WDR62: variants seen among roughly 807,000 people sequenced by gnomAD.
The protein encoded by WDR62 is WD repeat-containing protein 62.
A neutral mutation model predicts 160.6 loss-of-function variants in WDR62; 112 were observed. The observed-to-expected ratio is 0.70, with a 90% CI of 0.60 to 0.82. The LOEUF (loss-of-function observed/expected upper bound fraction) is 0.82. WDR62 is among the 40% of genes least tolerant of loss of function. WDR62 has a pLI of 0.00. For synonymous variants in WDR62, 792 were observed against 815.1 expected (o/e 0.97, Z 0.48); for missense variants, 1,819 against 1,983.8 (o/e 0.92, Z 1.58).
intron 11 of WDR62, among the ~76,000 whole-genome samples, chr19:36,084,178 G>A (rs1972067155): frequency 6.6e-6 from 1 of 152,174 alleles, no homozygotes; most frequent in Non-Finnish European, 1.5e-5. Flanking sequence ...CGGGTAGAAT[G>A]AAGAAGCTGG....
chr19:36,079,402 C>G (rs764487587), intron 9 of WDR62, among the ~76,000 whole-genome samples: 2 of 152,192 alleles, frequency 1.3e-5, no homozygotes, highest in Non-Finnish European at 2.9e-5. Flanking sequence ...AGCCTGCTTT[C>G]TGATACTTCC....
intron 16 of WDR62, 46 bp from the exon 17 acceptor site, chr19:36,091,150 TAAGG>T (rs1464417215): frequency 1.3e-6 from 2 of 1,536,130 alleles, no homozygotes; most frequent in East Asian, 4.5e-5. Flanking sequence ...GGCCTCATCA[TAAGG>T]AAGAAGCAGG....
At chr19:36,086,442 C>T (rs1227990724) in intron 12 of WDR62, among the ~76,000 whole-genome samples, 2 of 152,164 alleles carry the variant, frequency 1.3e-5, no homozygotes, top group African/African-American at 2.4e-5. Flanking sequence ...AGCGTCCATG[C>T]GCCCATCGAG....
chr19:36,056,535 G>T (rs142830248), intron 1 of WDR62, among the ~76,000 whole-genome samples: 1 of 152,110 alleles, frequency 6.6e-6, no homozygotes, highest in Non-Finnish European at 1.5e-5. Flanking sequence ...CCTGAATGTC[G>T]CTATCTTGAA....
chr19:36,065,390 C>T (rs1236626298), intron 3 of WDR62, among the ~76,000 whole-genome samples: 1 of 152,228 alleles, frequency 6.6e-6, no homozygotes, highest in African/African-American at 2.4e-5. Flanking sequence ...GGAAACCATA[C>T]AATCTGGGAA....
At chr19:36,092,955 G>C in intron 19 of WDR62, 144 bp downstream of exon 19, 2 of 1,221,090 alleles carry the variant, frequency 1.6e-6, no homozygotes, top group South Asian at 1.2e-5. Flanking sequence ...GACAGACTTT[G>C]AATATGCAGT....
chr19:36,101,990 G>A (rs1444364018), intron 25 of WDR62, 24 bp from the exon 26 acceptor site: 1 of 1,613,858 alleles, frequency 6.2e-7, no homozygotes, highest in African/African-American at 1.3e-5. Context: ...GGCTCCTCTT[G>A]TCCCTCCCCT....
At chr19:36,102,927 C>T (rs763703751) in intron 27 of WDR62, 21 bp from the exon 28 acceptor site, 24 of 1,614,008 alleles carry the variant, frequency 1.5e-5, no homozygotes, top group African/African-American at 2.7e-5. Context: ...AGAATCATCC[C>T]CCCTGCTCTC....
chr19:36,103,572 C>T lies in WDR62; in HGVS notation c.3744C>T (p.Pro1248=), dbSNP rs750361985. 3 of 1,613,760 alleles carry T rather than the reference C, an allele frequency of 1.9e-6. No homozygotes were observed. Among genetic ancestry groups the T allele is most frequent in the East Asian group, 4.5e-5 (2 of 44,888 alleles). Reference sequence around the variant, plus strand: ...CTATCGTGGCCACACTGGCCCAGCCCCTCCGTAGGCCATCGTCCGTTGGGG... The same window carrying T: ...CTATCGTGGCCACACTGGCCCAGCCTCTCCGTAGGCCATCGTCCGTTGGGG... ...EGPIVATLAQ[P]LRRPSSVGEL... Residue 1248 remains proline (P), a synonymous_variant, in exon 30 of 32, where the codon CCC becomes CCT. Transcript: ENST00000401500.
chr19:36,058,721 G>C (rs1970489874), intron 1 of WDR62, 59 bp from the exon 2 acceptor site: 1 of 1,431,922 alleles, frequency 7.0e-7, no homozygotes, highest in Admixed American at 1.7e-5. Flanking sequence ...GGCCAAGGCG[G>C]CTGCACCATG....
At chr19:36,090,573 T>G in intron 16 of WDR62, 53 bp downstream of exon 16, 1 of 1,538,880 alleles carries the variant, frequency 6.5e-7, no homozygotes, top group Non-Finnish European at 9.0e-7. Context: ...CCACCTATTG[T>G]GACGGCCCAC....
chr19:36,101,851 C>T, intron 25 of WDR62, 77 bp downstream of exon 25: 1 of 1,489,640 alleles, frequency 6.7e-7, no homozygotes, highest in Non-Finnish European at 9.2e-7. Context: ...TAAGCACAGG[C>T]CCTGCACTTG....
At chr19:36,107,831 G>C (rs143884526), downstream of WDR62, among the ~76,000 whole-genome samples, 37 of 152,176 alleles carry the variant, frequency 2.4e-4, no homozygotes, top group East Asian at 6.8e-3. Context: ...TCTTAACCAG[G>C]ATAAACCACC....
chr19:36,106,837 T>G (rs1432406053), downstream of WDR62, among the ~76,000 whole-genome samples: 2 of 152,166 alleles, frequency 1.3e-5, no homozygotes, highest in Admixed American at 1.3e-4. Flanking sequence ...CTCTTAATGT[T>G]TGGGGGATAT....
At position 36,065,313 on chromosome 19, in the gene WDR62, G is replaced by A. The variant is rs143481589; in HGVS notation, c.333-645G>A. Among the ~76,000 whole-genome samples the A allele has an allele frequency of 3.9e-5, 6 of 152,234 alleles. No individual in the cohort carries two copies. The East Asian group carries it at 1.2e-3, about 29-fold the overall frequency. ...CACACCAATTTACCATCTCACGTAG[G>A]GAGACAATTATTAGATTGTTAAGGA... On this transcript the variant is annotated intron_variant, in intron 3 of 31. Coordinates refer to ENST00000401500, the MANE Select transcript of WDR62 (RefSeq NM_001083961.2).
rs758057205 is a variant in WDR62 at position 36,102,741 on chromosome 19, C to A, written c.3225C>A (p.Leu1075=). The part of the protein sequence containing the change: ...ETLTESPCRE[L]FPAALGDVEA... ...CCCCTCGGGATCTTCCCCTAGAGCT[C>A]TTCCCCGCAGCTCTGGGAGACGTGG... The change falls in exon 27 of 32, where the codon CTC becomes CTA. Residue 1075 remains leucine (L), a synonymous_variant. Transcript: ENST00000401500. 1 of 1,614,036 alleles carries A rather than the reference C, an allele frequency of 6.2e-7. No individual in the cohort carries two copies. The highest frequency in any genetic ancestry group is 1.1e-5 in the South Asian group (1 of 91,088).
intron 7 of WDR62, chr19:36,070,978 C>T (rs182446124): frequency 4.0e-4 from 62 of 156,378 alleles, no homozygotes; most frequent in South Asian, 1.3e-3. Flanking sequence ...GAGGCCAAGG[C>T]AGGTGGATCA....
At chr19:36,089,441 TTTTTTTG>T in intron 15 of WDR62, 135 bp downstream of exon 15, 1 of 1,469,250 alleles carries the variant, frequency 6.8e-7, no homozygotes, top group Non-Finnish European at 9.4e-7. Flanking sequence ...CTTCTTGGTT[TTTTTTTG>T]TTTTTGTTTT....
chr19:36,083,134 G>A lies in WDR62; in HGVS notation c.1443G>A (p.Arg481=), dbSNP rs747114051. ...HLQDMSHFPD[R]GSENGTPMDV... ...AGGACATGTCACACTTCCCAGACCG[G>A]GGGAGCGAGAATGGGACACCCATGG... The change falls in exon 11 of 32, where the codon CGG becomes CGA. Residue 481 remains arginine (R), a synonymous_variant. Coordinates refer to ENST00000401500, the MANE Select transcript of WDR62 (RefSeq NM_001083961.2). The A allele has an allele frequency of 1.9e-6, 3 of 1,613,746 alleles. No individual in the cohort carries two copies. The Admixed American group carries it at 5.0e-5, about 27-fold the overall frequency.
Sources: allele counts gnomAD v4.1 joint callset (sites outside exome capture counted in the v4.1 genomes callset), GRCh38; gene constraint gnomAD v4.1.1; transcripts MANE v1.5; gene names NCBI Gene and HGNC (gene_info 2026-07-23, HGNC 2026-07-21).